Variants in NOL4L observed in about 807,000 individuals in gnomAD.
NOL4L encodes nucleolar protein 4-like.
In NOL4L, 7 loss-of-function variants were observed where a neutral mutation model predicts 64.5. The ratio of observed to expected loss-of-function variants is 0.11; its 90% CI spans 0.06 to 0.20. The LOEUF (loss-of-function observed/expected upper bound fraction) is 0.20. NOL4L is among the 10% of genes least tolerant of loss of function. NOL4L has a pLI of 1.00. For synonymous variants in NOL4L, 413 were observed against 401.0 expected, an observed-to-expected ratio of 1.03 and a Z score of -0.36; for missense variants, 680 against 967.1, an observed-to-expected ratio of 0.70 and a Z score of 3.94.
intron 1 of NOL4L, among the ~76,000 whole-genome samples, chr20:32,571,396 C>T (rs1380306285): frequency 2.6e-5 from 4 of 152,132 alleles, no homozygotes; most frequent in African/African-American, 9.6e-5. Context: ...TTTGTTTCAC[C>T]AGGTTTCACC....
intron 4 of NOL4L, chr20:32,475,449 C>T (rs1346679160): frequency 3.9e-6 from 2 of 508,530 alleles, no homozygotes; most frequent in East Asian, 1.5e-4. Flanking sequence ...GCGTTCCAAA[C>T]AGCCGGATGG....
intron 1 of NOL4L, among the ~76,000 whole-genome samples, chr20:32,555,011 G>A (rs6119893): frequency 2.6e-5 from 4 of 151,920 alleles, no homozygotes; most frequent in Non-Finnish European, 4.4e-5. Flanking sequence ...AAACTGGGAT[G>A]TGGCCTCCTT....
chr20:32,533,425 T>C (rs1172076487), intron 1 of NOL4L: 1 of 152,222 alleles, frequency 6.6e-6, no homozygotes, highest in Non-Finnish European at 1.5e-5. Flanking sequence ...ATGATTCTGA[T>C]GCAAGACAGA....
At chr20:32,560,438 G>A (rs1017619348) in intron 1 of NOL4L, among the ~76,000 whole-genome samples, 12 of 152,188 alleles carry the variant, frequency 7.9e-5, no homozygotes, top group African/African-American at 2.7e-4. Context: ...ACTCACCCCC[G>A]ACCCAGGTCT....
intron 3 of NOL4L, among the ~76,000 whole-genome samples, chr20:32,514,212 C>T (rs191513207): frequency 1.3e-5 from 2 of 152,304 alleles, no homozygotes; most frequent in Admixed American, 6.5e-5. Context: ...TAGACGTCGG[C>T]TGGGTGTGGT....
intron 4 of NOL4L, chr20:32,510,235 C>T (rs1568670224): frequency 1.1e-5 from 4 of 351,102 alleles, no homozygotes; most frequent in South Asian, 4.3e-5. Flanking sequence ...ACAGTTCTAC[C>T]GCTCAGAGCA....
chr20:32,452,173 C>T lies in NOL4L; in HGVS notation c.1822+63G>A. ...CCTCTCCCCATTCCGCTGCCCAGGG[C>T]TGCTCTGCAGACCCAGCTGGGTGCT... On this transcript the variant is annotated intron_variant, in intron 10 of 10. Transcript: ENST00000621426. 7 of 1,430,618 alleles carry T rather than the reference C, an allele frequency of 4.9e-6. No homozygotes were observed. In the South Asian group the frequency reaches 1.1e-4, roughly 22 times the overall value. The allele number at this position is 1,430,618 out of a possible 1,614,324, so 88.6% of individuals were successfully genotyped here. A position where few individuals can be genotyped will look rare whatever the true frequency, so the allele number is the denominator to read the frequency against.
chr20:32,472,394 T>G (rs2015086998), intron 5 of NOL4L, among the ~76,000 whole-genome samples: 1 of 152,200 alleles, frequency 6.6e-6, no homozygotes, highest in African/African-American at 2.4e-5. Flanking sequence ...GGGGGGCTTC[T>G]GCAATGGAGA....
chr20:32,522,805 G>A (rs1219482373), intron 2 of NOL4L, among the ~76,000 whole-genome samples: 1 of 152,186 alleles, frequency 6.6e-6, no homozygotes, highest in Non-Finnish European at 1.5e-5. Context: ...CCTGAGACGT[G>A]GCACCCTAGG....
chr20:32,454,044 A>G, intron 6 of NOL4L: 2 of 427,124 alleles, frequency 4.7e-6, no homozygotes, highest in Non-Finnish European at 8.6e-6. Context: ...AGCGCTTAGG[A>G]GGGTGTCAGC....
intron 4 of NOL4L, chr20:32,486,782 T>C (rs745720056): frequency 4.2e-6 from 2 of 471,180 alleles, no homozygotes; most frequent in South Asian, 1.5e-5. Flanking sequence ...CATGATGTCC[T>C]CGGCTCCTGA....
In NOL4L at chr20:32,469,931, G is replaced by T. The variant is rs140777433; in HGVS notation, c.841+4670C>A. 1.8e-3 allele frequency among the ~76,000 whole-genome samples: 270 copies of T among 152,360 alleles called. 7 individuals are homozygous for T. The East Asian group carries it at 0.05, about 28-fold the overall frequency. On this transcript the variant is annotated intron_variant, in intron 5 of 10. Coordinates refer to ENST00000621426, the MANE Select transcript of NOL4L (RefSeq NM_001256798.2). Reference sequence around the variant, plus strand: ...CTGGAAGAGCCAAAGGGCCCTCAGTGCCTTTGTCCAGACTCAGGCCTGCAC... The same window carrying T: ...CTGGAAGAGCCAAAGGGCCCTCAGTTCCTTTGTCCAGACTCAGGCCTGCAC...
intron 4 of NOL4L, among the ~76,000 whole-genome samples, chr20:32,481,071 CACACGCACA>C (rs2015685639): frequency 6.6e-6 from 1 of 152,226 alleles, no homozygotes; most frequent in Admixed American, 6.5e-5. Flanking sequence ...CACACTCACT[CACACGCACA>C]CTGTGTCTGT....
At chr20:32,558,333 C>T (rs1157165998) in intron 1 of NOL4L, among the ~76,000 whole-genome samples, 1 of 152,244 alleles carries the variant, frequency 6.6e-6, no homozygotes, top group Middle Eastern at 3.4e-3. Flanking sequence ...AAATCCGCAT[C>T]GTAATCTAAC....
At chr20:32,559,248 T>C (rs1978850299) in intron 1 of NOL4L, among the ~76,000 whole-genome samples, 1 of 152,218 alleles carries the variant, frequency 6.6e-6, no homozygotes, top group Non-Finnish European at 1.5e-5. Context: ...GCAAACAGCC[T>C]GGCACGTAGT....
chr20:32,532,832 C>G (rs949490820), intron 1 of NOL4L, among the ~76,000 whole-genome samples: 6 of 152,182 alleles, frequency 3.9e-5, no homozygotes, highest in Non-Finnish European at 8.8e-5. Flanking sequence ...GGAAGAACCA[C>G]GAAAAACACA....
intron 4 of NOL4L, among the ~76,000 whole-genome samples, chr20:32,498,409 CTCTGT>C (rs2016781023): frequency 7.0e-6 from 1 of 142,248 alleles, no homozygotes; most frequent in South Asian, 2.3e-4. Context: ...TCACGCCTCT[CTCTGT>C]TCTCTTAAAA....
rs529481067 is a variant in NOL4L, at chr20:32,485,692, C to T, written c.700-10950G>A. ...TGGTGCCCAATAATGATTTTTAGAA[C>T]GAACTAGTGGCCACAGCTCTTAAGT... On this transcript the variant is annotated intron_variant, in intron 4 of 10. Transcript: ENST00000621426. 1.7e-4 allele frequency: 80 copies of T among 464,488 alleles called. 1 individual carries two copies. The highest frequency in any genetic ancestry group is 9.1e-4 in the South Asian group (58 of 63,444). 28.8% of individuals were successfully genotyped at this position (464,488 alleles called of 1,614,324 possible).
At chr20:32,524,018 C>A (rs747711814) in intron 2 of NOL4L, among the ~76,000 whole-genome samples, 2 of 152,192 alleles carry the variant, frequency 1.3e-5, no homozygotes, top group Non-Finnish European at 2.9e-5. Flanking sequence ...CTGCTGACCA[C>A]ATCTGGCCCC....
Sources: gnomAD v4.1 joint callset for allele counts (sites outside exome capture counted in the v4.1 genomes callset) on GRCh38, gnomAD v4.1.1 for gene constraint, MANE v1.5 for transcripts, NCBI Gene and HGNC (gene_info 2026-07-23, HGNC 2026-07-21) for gene names.